The following MED13 variants were observed in gnomAD, a reference collection of about 807,000 sequenced individuals.
The protein encoded by MED13 is mediator of RNA polymerase II transcription subunit 13.
A neutral mutation model predicts 225.2 loss-of-function variants in MED13; 23 were observed. The ratio of observed to expected loss-of-function variants is 0.10; its 90% CI spans 0.07 to 0.14. The LOEUF is 0.14. Ranked by LOEUF, MED13 falls within the 10% of genes least tolerant of loss-of-function variation. The probability of loss-of-function intolerance (pLI) is 1.00; values close to 1 mark genes in which losing one functional copy is unlikely to be tolerated. For synonymous variants in MED13, 942 were observed against 889.2 expected (o/e 1.06, Z -1.06); for missense variants, 2,197 against 2,594.5 (o/e 0.85, Z 3.33).
In MED13 at chr17:61,982,497, G is replaced by T; in HGVS notation, c.3506C>A (p.Thr1169Asn). 6.2e-7 allele frequency: 1 copy of T among 1,614,178 alleles called. No homozygotes were observed. The highest frequency in any genetic ancestry group is 8.5e-7 in the Non-Finnish European group (1 of 1,180,046). The change falls in exon 16 of 30, where the codon ACC (threonine) becomes AAC (asparagine). Residue 1169 changes from threonine to asparagine, a missense_variant. Coordinates refer to ENST00000397786, the MANE Select transcript of MED13 (RefSeq NM_005121.3). ...AEKRFEALRA[T>N]SAEHVNGGLK... ...TCCTCCATTAACATGTTCAGCAGAG[G>T]TAGCCCTGAGAGCTTCAAAACGTTT...
At position 61,944,372 on chromosome 17, in the gene MED13, G is replaced by GTTTTT. The variant is rs201249883; in HGVS notation, c.*2091_*2095dup. Reference sequence around the variant, plus strand: ...ACATTTTCCTTCAAATCTCAGACAAGTTTTTTTTTTTTTTTTAAAGAAAGT... The same window carrying GTTTTT: ...ACATTTTCCTTCAAATCTCAGACAAGTTTTTTTTTTTTTTTTTTTTTAAAGAAAGT... On this transcript the variant is annotated 3_prime_UTR_variant, in exon 30 of 30. Coordinates refer to ENST00000397786, the MANE Select transcript of MED13 (RefSeq NM_005121.3). 7.1e-6 allele frequency: 1 copy of GTTTTT among 140,122 alleles called. No homozygotes were observed. Among genetic ancestry groups the GTTTTT allele is most frequent in the Admixed American group, 7.3e-5 (1 of 13,768 alleles). The allele number at this position is 140,122 out of a possible 1,614,324, so 8.7% of individuals were successfully genotyped here.
chr17:61,956,123 A>C (rs1300118207), intron 24 of MED13, among the ~76,000 whole-genome samples: 1 of 152,186 alleles, frequency 6.6e-6, no homozygotes, highest in Non-Finnish European at 1.5e-5. Flanking sequence ...AACAGAAAAC[A>C]ATTAAGAACA....
rs375966205 is a variant in MED13, at chr17:62,010,959, G to T, written c.1558C>A (p.Pro520Thr). The change falls in exon 9 of 30, where the codon CCT becomes ACT. Residue 520 changes from proline (P) to threonine (T), a missense_variant. Transcript: ENST00000397786. ...NIRTNDVAKTPQMHGTEMANS... is the reference protein window; with the variant it reads ...NIRTNDVAKTTQMHGTEMANS... ...GCCATTTCGGTGCCATGCATCTGAG[G>T]AGTCTTTGCTACATCATTAGTTCGG... The T allele has an allele frequency of 6.2e-7, 1 of 1,613,164 alleles. No individual in the cohort carries two copies. The highest frequency in any genetic ancestry group is 1.7e-4 in the Middle Eastern group (1 of 6,054).
At chr17:62,034,507 T>C (rs910804838) in intron 4 of MED13, among the ~76,000 whole-genome samples, 3 of 146,262 alleles carry the variant, frequency 2.1e-5, no homozygotes, top group Non-Finnish European at 1.5e-5. Flanking sequence ...AAAAAAAAAA[T>C]TGTCTGCCCA....
intron 19 of MED13, among the ~76,000 whole-genome samples, chr17:61,966,099 A>G (rs1291775216): frequency 1.3e-5 from 2 of 152,262 alleles, no homozygotes; most frequent in African/African-American, 4.8e-5. Flanking sequence ...GAGATTAACT[A>G]TAAATTATTT....
chr17:61,982,616 G>A lies in MED13; in HGVS notation c.3387C>T (p.Val1129=), dbSNP rs766573968. The part of the protein sequence containing the change: ...QYRCTCGFSA[V]MNRKFGNNSG... ...AATTGTTTCCAAATTTTCTGTTCATGACAGCACTGAAGCCACAGGTACACC... is the reference window on the plus strand; with the variant it reads ...AATTGTTTCCAAATTTTCTGTTCATAACAGCACTGAAGCCACAGGTACACC... Residue 1129 remains valine (V), a synonymous_variant, in exon 16 of 30, where the codon GTC becomes GTT. Transcript: ENST00000397786. 6.2e-7 allele frequency: 1 copy of A among 1,614,132 alleles called. No homozygotes were observed. The highest frequency in any genetic ancestry group is 8.5e-7 in the Non-Finnish European group (1 of 1,180,020).
chr17:61,960,998 A>G lies in MED13; in HGVS notation c.5349T>C (p.Ala1783=). The G allele has an allele frequency of 6.2e-7, 1 of 1,614,010 alleles. No individual in the cohort carries two copies. The change falls in exon 23 of 30, where the codon GCT becomes GCC. Residue 1783 remains alanine (A), a synonymous_variant. Transcript: ENST00000397786. ...CAAAAAGAACATTATATTTCTGTCC[A>G]GCTTCTCCAAATGTTTCTCCTAGCT... is the stretch of plus-strand genomic sequence containing the variant. ...QTELGETFGE[A]GQKYNVLFVG...
chr17:62,045,422 C>T (rs527603383), intron 3 of MED13, among the ~76,000 whole-genome samples: 85 of 152,168 alleles, frequency 5.6e-4, no homozygotes, highest in Non-Finnish European at 1.0e-3. Context: ...ACTCTGGAGG[C>T]TGAGGTGGGA....
At chr17:61,960,755 C>T (rs1387682204) in intron 23 of MED13, 112 bp downstream of exon 23, 12 of 688,254 alleles carry the variant, frequency 1.7e-5, no homozygotes, top group Non-Finnish European at 2.5e-5. Context: ...CACAACCCCA[C>T]ATCTTAATAT....
At chr17:61,994,551 T>C (rs908266804) in intron 10 of MED13, among the ~76,000 whole-genome samples, 4 of 152,212 alleles carry the variant, frequency 2.6e-5, no homozygotes, top group Non-Finnish European at 4.4e-5. Flanking sequence ...TTAAAATCAC[T>C]GTCAAAATAG....
At chr17:61,956,039 T>G (rs1187354421) in intron 24 of MED13, among the ~76,000 whole-genome samples, 2 of 152,124 alleles carry the variant, frequency 1.3e-5, no homozygotes, top group Non-Finnish European at 2.9e-5. Context: ...ATCCCCCTAA[T>G]ATTAGGATAC....
Position 61,982,342 on chromosome 17 carries a change from C to T in MED13, c.3661G>A (p.Val1221Ile). 8 of 1,614,206 alleles carry T rather than the reference C, an allele frequency of 5.0e-6. No homozygotes were observed. Among genetic ancestry groups the T allele is most frequent in the Non-Finnish European group, 6.8e-6 (8 of 1,180,040 alleles). The change falls in exon 16 of 30, where the codon GTA becomes ATA. Residue 1221 changes from valine to isoleucine, a missense_variant. Around this residue, in one of 12 missense-constraint regions of MED13, gnomAD observed 203 missense variants for 209.7 expected, o/e 0.97. Transcript: ENST00000397786. ...CAACAGTCACGCTCTTCAACACGTA[C>T]CCAATTGCTAATTACACCACTTTTA... is the stretch of plus-strand genomic sequence containing the variant. Reference protein sequence around the residue: ...FPKSGVISNWVRVEERDCCND... With the variant: ...FPKSGVISNWIRVEERDCCND...
At chr17:61,969,679 C>A (rs1310087054) in intron 17 of MED13, among the ~76,000 whole-genome samples, 1 of 152,004 alleles carries the variant, frequency 6.6e-6, no homozygotes, top group East Asian at 1.9e-4. Flanking sequence ...TCCACTCACT[C>A]CAACCTCCAC....
chr17:61,961,519 CAAAAAAAAA>C, intron 22 of MED13, 60 bp downstream of exon 22: 1 of 730,556 alleles, frequency 1.4e-6, no homozygotes, highest in Non-Finnish European at 1.9e-6. Context: ...GGCTCCATCT[CAAAAAAAAA>C]AAAAAAAAAA....
intron 9 of MED13, chr17:62,003,961 T>C (rs2143555785): frequency 6.6e-6 from 1 of 152,288 alleles, no homozygotes; most frequent in African/African-American, 2.4e-5. Context: ...TACTTACAGA[T>C]AGTCATGTAC....
At chr17:62,003,703 A>G (rs896412186) in intron 9 of MED13, 1 of 151,940 alleles carries the variant, frequency 6.6e-6, no homozygotes, top group African/African-American at 2.4e-5. Flanking sequence ...TATGATTAAA[A>G]TTAAAACTCT....
chr17:62,006,183 A>G (rs2080445254), intron 9 of MED13: 1 of 149,668 alleles, frequency 6.7e-6, no homozygotes, highest in Non-Finnish European at 1.5e-5. Flanking sequence ...TGCCTGGAAA[A>G]GTGAGAAAAA....
At chr17:62,018,888 A>C (rs12952534) in intron 8 of MED13, among the ~76,000 whole-genome samples, 23,760 of 152,182 alleles carry the variant, frequency 0.16, 1,996 homozygotes, top group Middle Eastern at 0.32. Flanking sequence ...GCCAACATTC[A>C]GATCTATATA....
intron 18 of MED13, among the ~76,000 whole-genome samples, chr17:61,967,184 G>C (rs2080066040): frequency 1.3e-5 from 2 of 152,136 alleles, no homozygotes; most frequent in African/African-American, 4.8e-5. Context: ...AGCAAACTTA[G>C]AAGAGTTCTT....
Sources: gnomAD v4.1 joint callset for allele counts (sites outside exome capture counted in the v4.1 genomes callset) on GRCh38, gnomAD v4.1.1 for gene constraint, gnomAD v4.1.1 regional missense constraint, MANE v1.5 for transcripts, NCBI Gene and HGNC (gene_info 2026-07-23, HGNC 2026-07-21) for gene names.